The following SOX6 variants were observed in gnomAD, a reference collection of about 807,000 sequenced individuals.
SOX6 encodes transcription factor SOX-6.
In SOX6, 11 loss-of-function variants were observed where a neutral mutation model predicts 97.8. The ratio of observed to expected loss-of-function variants is 0.11; its 90% CI spans 0.07 to 0.19. SOX6 has a LOEUF of 0.19. Among genes scored for constraint, SOX6 ranks in the 10% least tolerant of loss-of-function variants. The pLI is 1.00. For synonymous variants in SOX6, 360 were observed against 371.4 expected (o/e 0.97, Z 0.35); for missense variants, 810 against 1,039.5 (o/e 0.78, Z 3.04).
chr11:16,724,737 A>T (rs565828653), intron 2 of SOX6, among the ~76,000 whole-genome samples: 1 of 152,314 alleles, frequency 6.6e-6, no homozygotes, highest in Admixed American at 6.5e-5. Context: ...ATGTGTGTGT[A>T]TATATATTCA....
Position 16,205,362 on chromosome 11 carries a change from A to G in SOX6, c.536-18407T>C, listed in dbSNP as rs115466847. ...ACTGATCAAATTTAACCACTGACAT[A>G]TGGGCCACAAGAATCCTTGCATTTC... On this transcript the variant is annotated intron_variant, in intron 4 of 15. Transcript: ENST00000683767. Among the ~76,000 whole-genome samples, 482 of 152,208 alleles carry G rather than the reference A, an allele frequency of 3.2e-3. 5 individuals carry two copies. The highest frequency in any genetic ancestry group is 0.011 in the African/African-American group (462 of 41,564).
chr11:16,464,441 T>C (rs777223119), intron 1 of SOX6, among the ~76,000 whole-genome samples: 2 of 143,350 alleles, frequency 1.4e-5, no homozygotes, highest in Non-Finnish European at 3.0e-5. Flanking sequence ...TTAGAAACAA[T>C]CTCTTTCTAA....
At chr11:16,560,422 CATATGTTTATACGTACAT>C (rs1222293297) in intron 4 of SOX6, among the ~76,000 whole-genome samples, 4 of 113,138 alleles carry the variant, frequency 3.5e-5, no homozygotes, top group Admixed American at 8.5e-5. Context: ...TATATACGTA[CATATGTTTATACGTACAT>C]ATATGTTTAT....
chr11:16,701,081 T>C (rs1438935653), intron 3 of SOX6, among the ~76,000 whole-genome samples: 1 of 152,248 alleles, frequency 6.6e-6, no homozygotes, highest in Non-Finnish European at 1.5e-5. Flanking sequence ...TACTATTTTA[T>C]TGTCAATAGT....
At chr11:16,547,439 C>T (rs1483846825) in intron 4 of SOX6, among the ~76,000 whole-genome samples, 1 of 151,996 alleles carries the variant, frequency 6.6e-6, no homozygotes, top group Non-Finnish European at 1.5e-5. Context: ...CACACACACA[C>T]ACAATGGGAT....
chr11:16,170,563 C>A (rs1339393864), intron 6 of SOX6, among the ~76,000 whole-genome samples: 1 of 151,924 alleles, frequency 6.6e-6, no homozygotes, highest in Non-Finnish European at 1.5e-5. Flanking sequence ...CTCCCAGCTG[C>A]TTTTAAACCT....
intron 15 of SOX6, among the ~76,000 whole-genome samples, chr11:15,982,773 A>T (rs1371500244): frequency 2.6e-5 from 4 of 152,064 alleles, no homozygotes; most frequent in Non-Finnish European, 4.4e-5. Context: ...GAATTTTTTT[A>T]AAAAATATTT....
intron 9 of SOX6, among the ~76,000 whole-genome samples, chr11:16,060,170 T>C (rs1039252618): frequency 6.6e-6 from 1 of 151,986 alleles, no homozygotes; most frequent in Non-Finnish European, 1.5e-5. Context: ...TCTATTTTTT[T>C]TTAAAAAAGT....
At chr11:16,604,516 G>C (rs1200048682) in intron 4 of SOX6, among the ~76,000 whole-genome samples, 1 of 152,204 alleles carries the variant, frequency 6.6e-6, no homozygotes, top group Non-Finnish European at 1.5e-5. Flanking sequence ...CCGGCCGCAG[G>C]AGTACGCGGC....
At chr11:16,204,642 G>A (rs1429444771) in intron 4 of SOX6, among the ~76,000 whole-genome samples, 1 of 151,980 alleles carries the variant, frequency 6.6e-6, no homozygotes, top group African/African-American at 2.4e-5. Flanking sequence ...TCTGACCCCT[G>A]GTTCAACCGT....
chr11:15,988,846 A>G (rs1393125550), intron 14 of SOX6, 151 bp downstream of exon 14: 10 of 729,750 alleles, frequency 1.4e-5, no homozygotes, highest in Non-Finnish European at 2.3e-5. Context: ...CGTGATGACG[A>G]AGGCTCCTGC....
At chr11:16,728,166 G>A (rs564661785) in intron 2 of SOX6, among the ~76,000 whole-genome samples, 2 of 152,212 alleles carry the variant, frequency 1.3e-5, no homozygotes, top group Non-Finnish European at 2.9e-5. Context: ...CGCAGCTGCA[G>A]CAGACTTAAA....
intron 1 of SOX6, among the ~76,000 whole-genome samples, chr11:16,444,209 G>A (rs1859568477): frequency 6.6e-6 from 1 of 151,992 alleles, no homozygotes. Context: ...CCATTTGTCA[G>A]AAGTCAAATT....
intron 3 of SOX6, among the ~76,000 whole-genome samples, chr11:16,260,203 T>C (rs1159650312): frequency 6.6e-6 from 1 of 152,000 alleles, no homozygotes; most frequent in Non-Finnish European, 1.5e-5. Context: ...GGTTTCACCA[T>C]GTTAGCCACG....
At chr11:16,479,727 T>C (rs938096489), upstream of SOX6, among the ~76,000 whole-genome samples, 1 of 152,014 alleles carries the variant, frequency 6.6e-6, no homozygotes, top group Non-Finnish European at 1.5e-5. Flanking sequence ...TTGGTGAGAG[T>C]GTGGAAAAAT....
intron 6 of SOX6, among the ~76,000 whole-genome samples, chr11:16,178,709 G>C (rs1421135011): frequency 1.3e-5 from 2 of 151,836 alleles, no homozygotes; most frequent in African/African-American, 4.8e-5. Flanking sequence ...GAGAAAGTTG[G>C]AAGGAGATCC....
chr11:16,374,150 G>A (rs969139980), intron 1 of SOX6, among the ~76,000 whole-genome samples: 6 of 151,892 alleles, frequency 4.0e-5, no homozygotes, highest in African/African-American at 1.4e-4. Flanking sequence ...TCCCTTATGT[G>A]CCTCTTCATT....
intron 4 of SOX6, among the ~76,000 whole-genome samples, chr11:16,528,771 G>T (rs1471565435): frequency 6.6e-6 from 1 of 152,090 alleles, no homozygotes; most frequent in East Asian, 1.9e-4. Flanking sequence ...ACTTCTCTGG[G>T]CAAGAGCACT....
At chr11:16,637,245 C>G (rs1349152723) in intron 3 of SOX6, among the ~76,000 whole-genome samples, 2 of 152,084 alleles carry the variant, frequency 1.3e-5, no homozygotes, top group Non-Finnish European at 2.9e-5. Flanking sequence ...TTTTGAGATG[C>G]AGTCTTGCTC....
Sources: gnomAD v4.1 joint callset for allele counts (sites outside exome capture counted in the v4.1 genomes callset) on GRCh38, gnomAD v4.1.1 for gene constraint, MANE v1.5 for transcripts, NCBI Gene and HGNC (gene_info 2026-07-23, HGNC 2026-07-21) for gene names.